The following NAV3 variants were observed in gnomAD, a reference collection of about 807,000 sequenced individuals.
NAV3 encodes pore membrane and/or filament interacting like protein 1.
A neutral mutation model predicts 244.7 loss-of-function variants in NAV3; 87 were observed. That is an observed-to-expected ratio of 0.36 (90% CI 0.30 to 0.42). The LOEUF (loss-of-function observed/expected upper bound fraction) is 0.42. NAV3 is among the 20% of genes least tolerant of loss of function. The pLI, the probability that NAV3 is intolerant of heterozygous loss-of-function variation, is 1.00. For synonymous variants in NAV3, 1,126 were observed against 1,042.2 expected, an observed-to-expected ratio of 1.08 and a Z score of -1.55; for missense variants, 2,663 against 2,893.3, an observed-to-expected ratio of 0.92 and a Z score of 1.83.
At chr12:78,207,050 G>T (rs1960407071) in intron 39 of NAV3, among the ~76,000 whole-genome samples, 1 of 151,500 alleles carries the variant, frequency 6.6e-6, no homozygotes, top group Admixed American at 6.6e-5. Flanking sequence ...TAGAGACGGG[G>T]TTTCTCTATG....
chr12:78,028,669 A>G (rs987882740), intron 9 of NAV3, among the ~76,000 whole-genome samples: 1 of 152,188 alleles, frequency 6.6e-6, no homozygotes, highest in Non-Finnish European at 1.5e-5. Flanking sequence ...TATGCTAACA[A>G]AAAGGCTTGG....
Position 78,068,686 on chromosome 12 carries a change from A to G in NAV3, c.2636+9571A>G, listed in dbSNP as rs1267812493. 2.0e-5 allele frequency among the ~76,000 whole-genome samples: 3 copies of G among 148,438 alleles called. No individual in the cohort carries two copies. The Admixed American group carries it at 2.0e-4, about 10-fold the overall frequency. On this transcript the variant is annotated intron_variant, in intron 12 of 39. Coordinates refer to ENST00000397909, the MANE Select transcript of NAV3 (RefSeq NM_001024383.2). ...ATTTTATATATAATGGATGTAATAT[A>G]TATAAATCTGTCATTATCTTGAAAT...
chr12:77,666,502 A>T (rs887558046), intron 2 of NAV3, among the ~76,000 whole-genome samples: 1 of 152,212 alleles, frequency 6.6e-6, no homozygotes, highest in Non-Finnish European at 1.5e-5. Context: ...TATTAGAAAA[A>T]AAAAGAATAC....
chr12:78,094,152 T>C (rs1295237941), intron 12 of NAV3, among the ~76,000 whole-genome samples: 1 of 152,216 alleles, frequency 6.6e-6, no homozygotes, highest in Non-Finnish European at 1.5e-5. Context: ...TTTTGCTTTT[T>C]AAGGAGAATT....
chr12:77,726,380 A>G (rs1200263024), intron 2 of NAV3, among the ~76,000 whole-genome samples: 1 of 151,928 alleles, frequency 6.6e-6, no homozygotes, highest in Non-Finnish European at 1.5e-5. Flanking sequence ...TATTTATTGT[A>G]TATCAGTTGT....
At chr12:78,135,199 A>G (rs187578030) in intron 18 of NAV3, among the ~76,000 whole-genome samples, 1 of 152,150 alleles carries the variant, frequency 6.6e-6, no homozygotes, top group African/African-American at 2.4e-5. Context: ...TTACATATTA[A>G]CTTTTCTCCT....
chr12:77,661,078 A>T (rs1873421763), intron 2 of NAV3, among the ~76,000 whole-genome samples: 1 of 152,160 alleles, frequency 6.6e-6, no homozygotes, highest in African/African-American at 2.4e-5. Context: ...AAATGTGTCT[A>T]AAATATATGT....
intron 9 of NAV3, among the ~76,000 whole-genome samples, chr12:78,034,173 T>C (rs1367314780): frequency 6.6e-6 from 1 of 152,132 alleles, no homozygotes; most frequent in African/African-American, 2.4e-5. Context: ...ATGGGGGTGG[T>C]TTATCATTGT....
intron 1 of NAV3, among the ~76,000 whole-genome samples, chr12:77,841,986 G>A (rs565390678): frequency 1.3e-5 from 2 of 152,162 alleles, no homozygotes; most frequent in East Asian, 1.9e-4. Context: ...CAGAAATTAC[G>A]GGAAATAGTT....
intron 1 of NAV3, among the ~76,000 whole-genome samples, chr12:77,859,758 C>CAAAA (rs61516625): frequency 0.046 from 3,187 of 68,700 alleles, 346 homozygotes; most frequent in East Asian, 0.16. Context: ...CTTTCAAATG[C>CAAAA]AAAAAAAAAA....
chr12:77,801,138 A>G (rs1461124723), intron 2 of NAV3, among the ~76,000 whole-genome samples: 1 of 152,144 alleles, frequency 6.6e-6, no homozygotes, highest in Non-Finnish European at 1.5e-5. Context: ...CTTATATGAT[A>G]ATGATAAGCT....
At chr12:77,712,119 C>A (rs959889762) in intron 2 of NAV3, among the ~76,000 whole-genome samples, 1 of 152,242 alleles carries the variant, frequency 6.6e-6, no homozygotes, top group African/African-American at 2.4e-5. Context: ...TATGATTTTT[C>A]ATTATTGCAT....
chr12:78,080,976 G>A lies in NAV3; in HGVS notation c.2636+21861G>A, dbSNP rs372783098. ...AATTTAGTTATCATAAGTGAAGTCC[G>A]GTGTGTTTTAGAGATCGTATCCATT... is the stretch of plus-strand genomic sequence containing the variant. On this transcript the variant is annotated intron_variant, in intron 12 of 39. Transcript: ENST00000397909. Among the ~76,000 whole-genome samples the A allele has an allele frequency of 7.9e-5, 12 of 152,282 alleles. No homozygotes were observed. The South Asian group carries it at 1.9e-3, about 24-fold the overall frequency.
intron 1 of NAV3, among the ~76,000 whole-genome samples, chr12:77,846,439 T>C (rs1283231843): frequency 2.6e-5 from 4 of 152,226 alleles, no homozygotes; most frequent in African/African-American, 9.6e-5. Flanking sequence ...AGTTATCACA[T>C]AGGCTGACCA....
intron 28 of NAV3, 61 bp from the exon 29 acceptor site, chr12:78,179,468 A>G: frequency 1.3e-6 from 2 of 1,596,952 alleles, no homozygotes; most frequent in Admixed American, 1.7e-5. Flanking sequence ...TAAAAGAGGC[A>G]GTGCTTTTCT....
intron 2 of NAV3, among the ~76,000 whole-genome samples, chr12:77,765,510 A>G (rs1487608154): frequency 6.6e-6 from 1 of 152,218 alleles, no homozygotes; most frequent in Non-Finnish European, 1.5e-5. Flanking sequence ...GCAGATGACT[A>G]TCCGAGCCAC....
chr12:77,887,664 T>C (rs1466239579), intron 1 of NAV3, among the ~76,000 whole-genome samples: 2 of 152,140 alleles, frequency 1.3e-5, no homozygotes, highest in Non-Finnish European at 2.9e-5. Context: ...ATCTCCTTTT[T>C]CCACTTTGAG....
intron 8 of NAV3, 137 bp downstream of exon 8, chr12:78,007,582 T>A: frequency 1.1e-6 from 1 of 897,338 alleles, no homozygotes; most frequent in Non-Finnish European, 1.6e-6. Flanking sequence ...GATAGAGGCC[T>A]AGAATTCAGT....
At chr12:77,881,191 G>A (rs1882595145) in intron 1 of NAV3, among the ~76,000 whole-genome samples, 1 of 152,088 alleles carries the variant, frequency 6.6e-6, no homozygotes, top group Admixed American at 6.6e-5. Flanking sequence ...CATGATATAA[G>A]AATTTATTAT....
Sources: allele counts gnomAD v4.1 joint callset (sites outside exome capture counted in the v4.1 genomes callset), GRCh38; gene constraint gnomAD v4.1.1; transcripts MANE v1.5; gene names NCBI Gene and HGNC (gene_info 2026-07-23, HGNC 2026-07-21).